CAB39L: variants seen among roughly 807,000 people sequenced by gnomAD.
The protein encoded by CAB39L is calcium-binding protein 39-like.
In CAB39L, 23 loss-of-function variants were observed where a neutral mutation model predicts 39.1. The ratio of observed to expected loss-of-function variants is 0.59; its 90% confidence interval spans 0.42 to 0.83. CAB39L has a LOEUF of 0.83. Among genes scored for constraint, CAB39L ranks in the 40% least tolerant of loss-of-function variants. CAB39L has a pLI of 0.00. For missense variants in CAB39L, 366 were observed against 391.9 expected, an observed-to-expected ratio of 0.93 and a Z score of 0.56; for synonymous variants, 126 against 137.2, an observed-to-expected ratio of 0.92 and a Z score of 0.57.
intron 10 of CAB39L, among the ~76,000 whole-genome samples, chr13:49,326,435 G>C (rs1217074415): frequency 6.6e-6 from 1 of 152,136 alleles, no homozygotes; most frequent in Non-Finnish European, 1.5e-5. Flanking sequence ...ACACTATCCT[G>C]CTCACCAATA....
intron 6 of CAB39L, among the ~76,000 whole-genome samples, chr13:49,353,048 G>A (rs1053707497): frequency 2.3e-4 from 35 of 152,246 alleles, no homozygotes; most frequent in African/African-American, 7.7e-4. Flanking sequence ...TACCAGGGTG[G>A]TATTTATTCA....
Position 49,312,139 on chromosome 13 carries a change from T to C in CAB39L, c.835-1146A>G, listed in dbSNP as rs528064046. Among the ~76,000 whole-genome samples, 8 of 152,306 alleles carry C rather than the reference T, an allele frequency of 5.3e-5. No individual in the cohort carries two copies. In the East Asian group the frequency reaches 9.6e-4, roughly 18 times the overall value. ...CGAATTCCTGGTTTCAAACAATCCT[T>C]CCACCTTGGCCTCCCAAAGCTGTGG... On this transcript the variant is annotated intron_variant, in intron 10 of 10. Coordinates refer to ENST00000409308, the MANE Select transcript of CAB39L (RefSeq NM_001079670.3).
At chr13:49,369,475 T>C (rs1566095333) in intron 5 of CAB39L, among the ~76,000 whole-genome samples, 1 of 152,174 alleles carries the variant, frequency 6.6e-6, no homozygotes, top group Admixed American at 6.5e-5. Context: ...TACATATATA[T>C]GATTCTGTTT....
Position 49,344,769 on chromosome 13 carries a change from G to T in CAB39L, c.565-531C>A, listed in dbSNP as rs548926168. Among the ~76,000 whole-genome samples, 284 of 152,176 alleles carry T rather than the reference G, an allele frequency of 1.9e-3. 2 individuals are homozygous for T. The highest frequency in any genetic ancestry group is 6.1e-3 in the African/African-American group (252 of 41,500). ...GATCTCCTGACTTTGTGATCCACCT[G>T]CCTCGGCCTCCCAAAGTGCCTTAAC... On this transcript the variant is annotated intron_variant, in intron 7 of 10. Coordinates refer to ENST00000409308, the MANE Select transcript of CAB39L (RefSeq NM_001079670.3).
intron 8 of CAB39L, among the ~76,000 whole-genome samples, chr13:49,343,486 T>G (rs950527993): frequency 2.6e-5 from 4 of 152,006 alleles, no homozygotes; most frequent in African/African-American, 9.7e-5. Flanking sequence ...CAGATAAGAT[T>G]CCTGCCTCTT....
chr13:49,403,831 T>G (rs1044509072), intron 3 of CAB39L, among the ~76,000 whole-genome samples: 1 of 150,592 alleles, frequency 6.6e-6, no homozygotes, highest in Non-Finnish European at 1.5e-5. Context: ...ATGAGATGAA[T>G]AGCAGACTGC....
In CAB39L at chr13:49,315,895, A is replaced by AAAAAG. The variant is rs1386538478; in HGVS notation, c.835-4907_835-4903dup. 3.3e-5 allele frequency among the ~76,000 whole-genome samples: 5 copies of AAAAAG among 151,502 alleles called. No individual in the cohort carries two copies. In the East Asian group the frequency reaches 5.8e-4, roughly 18 times the overall value. ...GCAAGTCTCCATCTCAAAAAAAAAAAAAAAGAAAAGAAAAGAAAAGAAAGA... is the reference window on the plus strand; with the variant it reads ...GCAAGTCTCCATCTCAAAAAAAAAAAAAAAGAAAAGAAAAGAAAAGAAAAGAAAGA... On this transcript the variant is annotated intron_variant, in intron 10 of 10. Coordinates refer to ENST00000409308, the MANE Select transcript of CAB39L (RefSeq NM_001079670.3).
intron 5 of CAB39L, among the ~76,000 whole-genome samples, chr13:49,361,070 T>C (rs1483220870): frequency 6.6e-6 from 1 of 152,234 alleles, no homozygotes; most frequent in Non-Finnish European, 1.5e-5. Flanking sequence ...CTTCAGTTAC[T>C]GTCTCCACTT....
At chr13:49,363,702 T>C (rs1043201455) in intron 5 of CAB39L, among the ~76,000 whole-genome samples, 2 of 150,666 alleles carry the variant, frequency 1.3e-5, no homozygotes, top group African/African-American at 4.9e-5. Context: ...TCAAAAGACA[T>C]AAAGTGGCTA....
Position 49,321,049 on chromosome 13 carries a change from C to T in CAB39L, c.835-10056G>A, listed in dbSNP as rs79201729. 2.8e-3 allele frequency among the ~76,000 whole-genome samples: 434 copies of T among 152,300 alleles called. 7 individuals carry two copies. The East Asian group carries it at 0.047, about 16-fold the overall frequency. ...TCTAGAATCTCCTGAAATCCTCCTC[C>T]TCACTGCCACCATTCTTACCATCAC... On this transcript the variant is annotated intron_variant, in intron 10 of 10. Transcript: ENST00000409308.
At chr13:49,403,743 T>A (rs1405981036) in intron 3 of CAB39L, among the ~76,000 whole-genome samples, 1 of 151,742 alleles carries the variant, frequency 6.6e-6, no homozygotes, top group Non-Finnish European at 1.5e-5. Context: ...GAATCACAAA[T>A]AAGGCCAACT....
At chr13:49,430,432 A>G (rs916685187) in intron 3 of CAB39L, among the ~76,000 whole-genome samples, 3 of 152,188 alleles carry the variant, frequency 2.0e-5, no homozygotes, top group African/African-American at 7.2e-5. Flanking sequence ...GTGCTCTAAC[A>G]TTATCTATTT....
At chr13:49,411,033 TC>T (rs1317759125) in intron 3 of CAB39L, among the ~76,000 whole-genome samples, 1 of 152,204 alleles carries the variant, frequency 6.6e-6, no homozygotes, top group African/African-American at 2.4e-5. Flanking sequence ...CTGTACTCAT[TC>T]TAAACATGTC....
At chr13:49,407,877 A>AAT (rs2138675618) in intron 3 of CAB39L, among the ~76,000 whole-genome samples, 1 of 151,334 alleles carries the variant, frequency 6.6e-6, no homozygotes, top group African/African-American at 2.4e-5. Context: ...AAAAAAAAAA[A>AAT]ATAGAAGAAA....
chr13:49,369,258 T>A (rs1311828795), intron 5 of CAB39L, among the ~76,000 whole-genome samples: 1 of 152,218 alleles, frequency 6.6e-6, no homozygotes, highest in Non-Finnish European at 1.5e-5. Flanking sequence ...ATACTATACA[T>A]AAATGGTTAA....
intron 4 of CAB39L, among the ~76,000 whole-genome samples, chr13:49,379,991 G>A (rs1382795141): frequency 5.3e-5 from 8 of 151,182 alleles, no homozygotes; most frequent in East Asian, 1.9e-4. Context: ...ACAAGCACCC[G>A]CCACCACGCC....
chr13:49,384,594 C>A (rs917321737), intron 3 of CAB39L, among the ~76,000 whole-genome samples: 4 of 151,984 alleles, frequency 2.6e-5, no homozygotes, highest in Non-Finnish European at 5.9e-5. Context: ...AAATGTATTT[C>A]TTTTGTTTGT....
chr13:49,428,648 C>A (rs573967491), intron 3 of CAB39L, among the ~76,000 whole-genome samples: 1 of 152,136 alleles, frequency 6.6e-6, no homozygotes, highest in Non-Finnish European at 1.5e-5. Context: ...CTTCACATAA[C>A]TTCTCTTTTC....
intron 6 of CAB39L, among the ~76,000 whole-genome samples, chr13:49,351,392 A>T (rs1157104897): frequency 6.6e-6 from 1 of 152,066 alleles, no homozygotes; most frequent in African/African-American, 2.4e-5. Flanking sequence ...CATGGCAAGA[A>T]CAGGCTTGGC....
Sources: allele counts gnomAD v4.1 joint callset (sites outside exome capture counted in the v4.1 genomes callset), GRCh38; gene constraint gnomAD v4.1.1; transcripts MANE v1.5; gene names NCBI Gene and HGNC (gene_info 2026-07-23, HGNC 2026-07-21).